CNTNAP2: variants seen among roughly 807,000 people sequenced by gnomAD.
The protein encoded by CNTNAP2 is contactin associated protein 2.
In CNTNAP2, 98 loss-of-function variants were observed where a neutral mutation model predicts 155.2. The ratio of observed to expected loss-of-function variants is 0.63; its 90% CI spans 0.54 to 0.75. CNTNAP2 has a LOEUF of 0.75. Among genes scored for constraint, CNTNAP2 ranks in the 30% least tolerant of loss-of-function variants. CNTNAP2 has a pLI of 0.00. For synonymous variants in CNTNAP2, 651 were observed against 631.2 expected (o/e 1.03, Z -0.47); for missense variants, 1,727 against 1,688.1 (o/e 1.02, Z -0.40).
At chr7:146,317,204 A>G (rs1373574458) in intron 1 of CNTNAP2, among the ~76,000 whole-genome samples, 1 of 152,206 alleles carries the variant, frequency 6.6e-6, no homozygotes, top group Non-Finnish European at 1.5e-5. Context: ...AGAAGTTAGC[A>G]GTTGACTTTA....
intron 1 of CNTNAP2, among the ~76,000 whole-genome samples, chr7:146,541,082 A>T (rs555189201): frequency 6.6e-6 from 1 of 152,098 alleles, no homozygotes; most frequent in African/African-American, 2.4e-5. Flanking sequence ...TTCAGAACAT[A>T]CTGAAACAGA....
chr7:147,105,479 A>G (rs1800747319), intron 4 of CNTNAP2, among the ~76,000 whole-genome samples: 1 of 152,052 alleles, frequency 6.6e-6, no homozygotes, highest in African/African-American at 2.4e-5. Context: ...CTTGTCCCCA[A>G]ATAAGCACAG....
chr7:147,129,996 A>G lies in CNTNAP2; in HGVS notation c.1083+1160A>G, dbSNP rs1236902780. The stretch of plus-strand genomic sequence containing the variant: ...CAAGTCGTATTTTATATTTAGGATG[A>G]TCTGAGAACAATACTGCAAGAAGGA... On this transcript the variant is annotated intron_variant, in intron 7 of 23. Transcript: ENST00000361727. Among the ~76,000 whole-genome samples, 4 of 152,200 alleles carry G rather than the reference A, an allele frequency of 2.6e-5. No homozygotes were observed. In the East Asian group the frequency reaches 7.7e-4, roughly 29 times the overall value.
chr7:148,200,685 AT>A (rs1222236737), intron 18 of CNTNAP2, among the ~76,000 whole-genome samples: 3 of 152,154 alleles, frequency 2.0e-5, no homozygotes, highest in Non-Finnish European at 4.4e-5. Context: ...CTCCGCAGTA[AT>A]TTTTTTAAAG....
intron 13 of CNTNAP2, among the ~76,000 whole-genome samples, chr7:147,744,910 G>T (rs80251084): frequency 1.3e-5 from 2 of 151,978 alleles, no homozygotes; most frequent in African/African-American, 2.4e-5. Context: ...GGGCTTTAAC[G>T]TGTGAATTTT....
intron 9 of CNTNAP2, among the ~76,000 whole-genome samples, chr7:147,333,235 T>C (rs988314980): frequency 6.6e-6 from 1 of 152,262 alleles, no homozygotes; most frequent in South Asian, 2.1e-4. Context: ...GGCATAGTGA[T>C]GACTACAGAG....
intron 3 of CNTNAP2, among the ~76,000 whole-genome samples, chr7:146,974,430 C>T (rs1797865817): frequency 6.7e-6 from 1 of 148,512 alleles, no homozygotes. Flanking sequence ...AAGAGCAAAA[C>T]TCCGTCTTAA....
chr7:147,494,663 G>C (rs756158451), intron 11 of CNTNAP2, among the ~76,000 whole-genome samples: 27 of 151,926 alleles, frequency 1.8e-4, no homozygotes, highest in Non-Finnish European at 1.9e-4. Context: ...AGAGTGAAGA[G>C]AAAAAGGAAT....
chr7:146,659,412 T>C (rs1800048769), intron 1 of CNTNAP2, among the ~76,000 whole-genome samples: 1 of 152,156 alleles, frequency 6.6e-6, no homozygotes, highest in South Asian at 2.1e-4. Flanking sequence ...GAAATTTAGG[T>C]ATTTGTGAAA....
intron 10 of CNTNAP2, among the ~76,000 whole-genome samples, chr7:147,418,992 G>A (rs1023702866): frequency 3.3e-5 from 5 of 152,050 alleles, no homozygotes; most frequent in African/African-American, 4.8e-5. Context: ...ATTATTAAAC[G>A]GACTCAGAAA....
At chr7:147,595,658 A>C (rs1013149058) in intron 12 of CNTNAP2, among the ~76,000 whole-genome samples, 4 of 152,196 alleles carry the variant, frequency 2.6e-5, no homozygotes, top group Non-Finnish European at 5.9e-5. Flanking sequence ...ATGCTTTTCC[A>C]ATTACAGCTA....
chr7:148,139,268 G>A (rs193136894), intron 16 of CNTNAP2, among the ~76,000 whole-genome samples: 1 of 152,280 alleles, frequency 6.6e-6, no homozygotes, highest in East Asian at 1.9e-4. Flanking sequence ...GTTTTCTGGT[G>A]TGAATATGCA....
At chr7:146,303,533 C>T (rs758597508) in intron 1 of CNTNAP2, among the ~76,000 whole-genome samples, 4 of 151,970 alleles carry the variant, frequency 2.6e-5, no homozygotes, top group Non-Finnish European at 4.4e-5. Context: ...CATAACTGAA[C>T]TTTATACTGG....
At chr7:147,743,104 A>G (rs1796979700) in intron 13 of CNTNAP2, among the ~76,000 whole-genome samples, 1 of 152,230 alleles carries the variant, frequency 6.6e-6, no homozygotes, top group Admixed American at 6.5e-5. Context: ...CTATAGTTTT[A>G]AACATACACT....
intron 1 of CNTNAP2, among the ~76,000 whole-genome samples, chr7:146,658,874 A>G (rs1800037731): frequency 6.6e-6 from 1 of 152,158 alleles, no homozygotes; most frequent in African/African-American, 2.4e-5. Flanking sequence ...TGATCTAGGG[A>G]AAAGGGGAAA....
chr7:146,317,465 G>T (rs1035849793), intron 1 of CNTNAP2, among the ~76,000 whole-genome samples: 1 of 152,094 alleles, frequency 6.6e-6, no homozygotes, highest in Admixed American at 6.6e-5. Context: ...CACTCCTTTT[G>T]TATAGTTCTT....
At chr7:147,099,205 G>C (rs372850442) in intron 4 of CNTNAP2, among the ~76,000 whole-genome samples, 27 of 152,266 alleles carry the variant, frequency 1.8e-4, no homozygotes, top group Middle Eastern at 3.4e-3. Context: ...GGGATGAATA[G>C]GGAAGACGGA....
intron 3 of CNTNAP2, among the ~76,000 whole-genome samples, chr7:146,987,327 A>G (rs1798130713): frequency 6.6e-6 from 1 of 152,140 alleles, no homozygotes; most frequent in Non-Finnish European, 1.5e-5. Flanking sequence ...ATTTATTATT[A>G]AGAAATTCAT....
intron 8 of CNTNAP2, among the ~76,000 whole-genome samples, chr7:147,141,159 C>T (rs1462039590): frequency 1.3e-5 from 2 of 152,120 alleles, no homozygotes; most frequent in Admixed American, 6.5e-5. Flanking sequence ...CTTCTGGTGA[C>T]ACGAGTTCAA....
Sources: gnomAD v4.1 joint callset for allele counts (sites outside exome capture counted in the v4.1 genomes callset) on GRCh38, gnomAD v4.1.1 for gene constraint, MANE v1.5 for transcripts, NCBI Gene and HGNC (gene_info 2026-07-23, HGNC 2026-07-21) for gene names.